DCX: variants seen among roughly 807,000 people sequenced by gnomAD.
DCX encodes doublecortin.
In DCX, 4 loss-of-function variants were observed where a neutral mutation model predicts 20.9. That is an observed-to-expected ratio of 0.19 (90% CI 0.09 to 0.44). DCX has a LOEUF of 0.44. Ranked by LOEUF, DCX falls within the 20% of genes least tolerant of loss-of-function variation. DCX has a pLI of 0.99. For missense variants in DCX, 133 were observed against 296.9 expected, an observed-to-expected ratio of 0.45 and a Z score of 4.06; for synonymous variants, 103 against 111.4, an observed-to-expected ratio of 0.92 and a Z score of 0.47.
At chrX:111,395,444 T>G (rs1054167356) in intron 3 of DCX, among the ~76,000 whole-genome samples, 5 of 112,005 alleles carry the variant, frequency 4.5e-5, no homozygotes, top group African/African-American at 1.3e-4. Context: ...ACAATAAAAC[T>G]CTAAGAGGAT....
chrX:111,360,417 A>C (rs781766767), intron 3 of DCX, among the ~76,000 whole-genome samples: 1 of 111,213 alleles, frequency 9.0e-6, no homozygotes, highest in East Asian at 2.8e-4. Flanking sequence ...ATGGAGATAG[A>C]GAGTAGAAGG....
At chrX:111,313,089 T>C (rs2095061329) in intron 5 of DCX, among the ~76,000 whole-genome samples, 1 of 111,174 alleles carries the variant, frequency 9.0e-6, no homozygotes. Flanking sequence ...TTTGCTTTAA[T>C]TTTATAGAGG....
intron 3 of DCX, among the ~76,000 whole-genome samples, chrX:111,339,726 T>A (rs1453454851): frequency 8.9e-6 from 1 of 111,982 alleles, no homozygotes; most frequent in African/African-American, 3.2e-5. Flanking sequence ...CTGTTCAATA[T>A]CTCCACTTGC....
rs2095019791 is a variant in DCX, at chrX:111,295,990, G to C, written c.*5697C>G. On this transcript the variant is annotated 3_prime_UTR_variant, in exon 7 of 7. Coordinates refer to ENST00000636035, the MANE Select transcript of DCX (RefSeq NM_001195553.2). ...TCATCAGTCCCAAGGCAAAATCACA[G>C]GCTAAGAAGAGGCACATGCCCAATG... 1 of 111,688 alleles carries C rather than the reference G, an allele frequency of 9.0e-6. No homozygotes were observed. Among genetic ancestry groups the C allele is most frequent in the Admixed American group, 9.5e-5 (1 of 10,486 alleles). 9.2% of individuals were successfully genotyped at this position (111,688 alleles called of 1,213,427 possible). A position where few individuals can be genotyped will look rare whatever the true frequency, so the allele number is the denominator to read the frequency against.
intron 3 of DCX, among the ~76,000 whole-genome samples, chrX:111,371,386 C>T (rs1426283604): frequency 9.0e-6 from 1 of 111,083 alleles, no homozygotes; most frequent in Non-Finnish European, 1.9e-5. Flanking sequence ...CTTCCTCAGC[C>T]TTCTGTAATT....
chrX:111,377,194 G>T (rs1925605346), intron 3 of DCX, among the ~76,000 whole-genome samples: 1 of 111,730 alleles, frequency 9.0e-6, no homozygotes, highest in South Asian at 3.8e-4. Context: ...CAAAAAATCA[G>T]CAGCAGCTAA....
intron 3 of DCX, among the ~76,000 whole-genome samples, chrX:111,365,501 A>G (rs1924552285): frequency 9.1e-6 from 1 of 110,004 alleles, no homozygotes; most frequent in African/African-American, 3.3e-5. Flanking sequence ...ATCCAATTGC[A>G]CTCTTTAAGT....
intron 3 of DCX, among the ~76,000 whole-genome samples, chrX:111,396,456 A>G (rs1327824327): frequency 8.9e-6 from 1 of 112,123 alleles, no homozygotes; most frequent in African/African-American, 3.2e-5. Flanking sequence ...AGAGATGTCA[A>G]TCAGTGTAGC....
chrX:111,384,290 A>T (rs1009012749), intron 3 of DCX, among the ~76,000 whole-genome samples: 1 of 111,521 alleles, frequency 9.0e-6, no homozygotes, highest in Non-Finnish European at 1.9e-5. Flanking sequence ...CCCTAATCTA[A>T]GTGCGTATGC....
chrX:111,332,581 C>T (rs760207244), intron 4 of DCX, among the ~76,000 whole-genome samples: 4 of 111,520 alleles, frequency 3.6e-5, no homozygotes, highest in South Asian at 3.8e-4. Flanking sequence ...ACAAGGCAGA[C>T]GAATGGGGCA....
chrX:111,310,886 T>C (rs1030237470), intron 6 of DCX, among the ~76,000 whole-genome samples: 11 of 112,185 alleles, frequency 9.8e-5, no homozygotes, highest in African/African-American at 3.6e-4. Flanking sequence ...GGTGGGCTTG[T>C]GGATGATGGG....
chrX:111,402,152 C>T (rs1266222532), intron 2 of DCX, among the ~76,000 whole-genome samples: 1 of 112,176 alleles, frequency 8.9e-6, no homozygotes, highest in Non-Finnish European at 1.9e-5. Flanking sequence ...CACCAGTGCT[C>T]ACCCTTGGCT....
At chrX:111,313,429 G>A (rs1450451773) in intron 5 of DCX, among the ~76,000 whole-genome samples, 2 of 110,860 alleles carry the variant, frequency 1.8e-5, no homozygotes, top group Non-Finnish European at 3.8e-5. Flanking sequence ...TCAAAAAAGA[G>A]AGAATGACAA....
At chrX:111,309,020 G>T (rs1156317288) in intron 6 of DCX, among the ~76,000 whole-genome samples, 1 of 111,024 alleles carries the variant, frequency 9.0e-6, no homozygotes, top group East Asian at 2.8e-4. Context: ...CTTTCACGGG[G>T]ATATCACAAG....
intron 5 of DCX, among the ~76,000 whole-genome samples, chrX:111,318,936 C>T (rs1326726419): frequency 9.0e-6 from 1 of 111,691 alleles, no homozygotes; most frequent in South Asian, 3.8e-4. Flanking sequence ...ACATGTATCC[C>T]TGAACCTAAA....
At chrX:111,326,487 G>C in intron 5 of DCX, among the ~76,000 whole-genome samples, 1 of 111,736 alleles carries the variant, frequency 8.9e-6, no homozygotes, top group East Asian at 2.8e-4. Flanking sequence ...TGGCAAGTCC[G>C]GGGTTAATCA....
In DCX at chrX:111,299,655, C is replaced by T. The variant is rs1209802098; in HGVS notation, c.*2032G>A. Reference sequence around the variant, plus strand: ...TGTTCTGGGAGGCACTAAGAAAACCCTGAGCTTCTAGAAAGAAATAGGGGC... The same window carrying T: ...TGTTCTGGGAGGCACTAAGAAAACCTTGAGCTTCTAGAAAGAAATAGGGGC... On this transcript the variant is annotated 3_prime_UTR_variant, in exon 7 of 7. Transcript: ENST00000636035. 2 of 111,365 alleles carry T rather than the reference C, an allele frequency of 1.8e-5. No homozygotes were observed. Among genetic ancestry groups the T allele is most frequent in the African/African-American group, 6.5e-5 (2 of 30,539 alleles). The allele number at this position is 111,365 out of a possible 1,213,427, so 9.2% of individuals were successfully genotyped here.
intron 6 of DCX, among the ~76,000 whole-genome samples, chrX:111,310,390 A>G (rs1484990703): frequency 9.0e-6 from 1 of 111,388 alleles, no homozygotes; most frequent in South Asian, 3.7e-4. Flanking sequence ...AACATGTACT[A>G]TATGTATTTA....
At chrX:111,406,234 G>A (rs1928199227) in intron 2 of DCX, among the ~76,000 whole-genome samples, 1 of 111,664 alleles carries the variant, frequency 9.0e-6, no homozygotes, top group Non-Finnish European at 1.9e-5. Flanking sequence ...CCCTAGCCCT[G>A]GGGATTCTGA....
Sources: gnomAD v4.1 joint callset for allele counts (sites outside exome capture counted in the v4.1 genomes callset) on GRCh38, gnomAD v4.1.1 for gene constraint, MANE v1.5 for transcripts, NCBI Gene and HGNC (gene_info 2026-07-23, HGNC 2026-07-21) for gene names.